CPNE2: variants seen among roughly 807,000 people sequenced by gnomAD.
The protein encoded by CPNE2 is copine 2.
Under a neutral mutation model 69.7 loss-of-function variants are expected in CPNE2, and 42 were observed. The ratio of observed to expected loss-of-function variants is 0.60; its 90% CI spans 0.47 to 0.78. CPNE2 has a LOEUF of 0.78. Ranked by LOEUF, CPNE2 falls within the 30% of genes least tolerant of loss-of-function variation. The pLI, the probability that CPNE2 is intolerant of heterozygous loss-of-function variation, is 0.00. For synonymous variants in CPNE2, 294 were observed against 289.8 expected (o/e 1.01, Z -0.15); for missense variants, 587 against 732.0 (o/e 0.80, Z 2.29).
intron 7 of CPNE2, among the ~76,000 whole-genome samples, chr16:57,120,568 G>A (rs2069754470): frequency 6.6e-6 from 1 of 152,214 alleles, no homozygotes. Context: ...TTCCCAAGTA[G>A]GATACCAGGA....
At chr16:57,141,368 G>A (rs1375289973) in intron 14 of CPNE2, 1 of 152,292 alleles carries the variant, frequency 6.6e-6, no homozygotes, top group Non-Finnish European at 1.5e-5. Context: ...CTGCGACTTG[G>A]TCCTCCCGGC....
At chr16:57,101,394 AC>A (rs1299347257) in intron 1 of CPNE2, among the ~76,000 whole-genome samples, 1 of 151,898 alleles carries the variant, frequency 6.6e-6, no homozygotes, top group Non-Finnish European at 1.5e-5. Flanking sequence ...ATACGTTCCA[AC>A]CCCCCAAAAG....
At position 57,117,506 on chromosome 16, in the gene CPNE2, A is replaced by C. The variant is rs1280377995; in HGVS notation, c.446A>C (p.Gln149Pro). 1 of 1,613,754 alleles carries C rather than the reference A, an allele frequency of 6.2e-7. No individual in the cohort carries two copies. The highest frequency in any genetic ancestry group is 8.5e-7 in the Non-Finnish European group (1 of 1,179,892). ...AGKGLITIAA[Q>P]ELSDNRVITL... ...GTCCCGGCCTTACAGATCGCTGCCC[A>C]GGAGCTGTCCGACAACCGCGTCATC... is the stretch of plus-strand genomic sequence containing the variant. Residue 149 changes from glutamine (Q) to proline (P), a missense_variant, in exon 5 of 16, where the codon CAG (glutamine) becomes CCG (proline). Around this residue, in one of 5 missense-constraint regions of CPNE2, gnomAD observed 269 missense variants for 300.5 expected, o/e 0.90. Coordinates refer to ENST00000290776, the MANE Select transcript of CPNE2 (RefSeq NM_152727.6).
chr16:57,094,143 AG>A (rs1567663148), intron 1 of CPNE2: 5 of 453,376 alleles, frequency 1.1e-5, no homozygotes, highest in South Asian at 4.7e-5. Flanking sequence ...TCACCCAGGC[AG>A]GTTTCTCCAT....
In CPNE2 at chr16:57,110,834, G is replaced by A. The variant is rs1162096129; in HGVS notation, c.92G>A (p.Ser31Asn). 5.6e-6 allele frequency: 9 copies of A among 1,613,898 alleles called. No homozygotes were observed. Among genetic ancestry groups the A allele is most frequent in the Admixed American group, 1.7e-5 (1 of 59,996 alleles). The change falls in exon 2 of 16, where the codon AGT becomes AAT. Residue 31 changes from serine to asparagine, a missense_variant. Physicochemically the swap from Ser to Asn is conservative, Grantham distance 46. This residue lies in a region of CPNE2 where 96 missense variants were observed against 94.9 expected (regional missense o/e 1.01). Transcript: ENST00000290776. ...GTGTGCAAGGTGGAGCTGTCAGTGA[G>A]TGGCCAGAACCTACTGGACCGGGAT... is the stretch of plus-strand genomic sequence containing the variant. ...YCVCKVELSVSGQNLLDRDVT... is the reference protein window; with the variant it reads ...YCVCKVELSVNGQNLLDRDVT...
rs1441793782 is a variant in CPNE2, at chr16:57,146,504, C to T, written c.1539+183C>T. ...TGCCAGGCCTTGCCCCGGTGGTGGC[C>T]ATTGTGATAGTGTGAGCACTTGCTT... On this transcript the variant is annotated intron_variant, in intron 15 of 15. Transcript: ENST00000290776. This position sits in a 1 kb window ranked among gnomAD's most constrained non-coding sequence, Gnocchi z 4.4. 3.3e-6 allele frequency: 2 copies of T among 606,716 alleles called. No homozygotes were observed. Among genetic ancestry groups the T allele is most frequent in the Non-Finnish European group, 5.8e-6 (2 of 344,948 alleles). The allele number at this position is 606,716 out of a possible 1,614,324, so 37.6% of individuals were successfully genotyped here.
chr16:57,146,699 C>G lies in CPNE2; in HGVS notation c.1539+378C>G. On this transcript the variant is annotated intron_variant, in intron 15 of 15. Coordinates refer to ENST00000290776, the MANE Select transcript of CPNE2 (RefSeq NM_152727.6). This position sits in a 1 kb window ranked among gnomAD's most constrained non-coding sequence, Gnocchi z 4.4. ...TCCTGATCATCACGCCCCAGCAAGC[C>G]CCCTCATTTTGTAGACGGAAAACAA... The G allele has an allele frequency of 5.1e-6, 1 of 194,206 alleles. No individual in the cohort carries two copies. Among genetic ancestry groups the G allele is most frequent in the South Asian group, 1.0e-4 (1 of 10,032 alleles). The allele number at this position is 194,206 out of a possible 1,614,324, so 12.0% of individuals were successfully genotyped here.
At chr16:57,105,129 C>T (rs773050000) in intron 1 of CPNE2, among the ~76,000 whole-genome samples, 4 of 152,164 alleles carry the variant, frequency 2.6e-5, no homozygotes, top group Non-Finnish European at 5.9e-5. Context: ...TCAGAGATTC[C>T]TGTTATGGGT....
At chr16:57,098,216 C>A (rs1220136454) in intron 1 of CPNE2, among the ~76,000 whole-genome samples, 1 of 152,236 alleles carries the variant, frequency 6.6e-6, no homozygotes, top group South Asian at 2.1e-4. Flanking sequence ...CCCAGGGGGG[C>A]CTCAGGGCCA....
chr16:57,125,852 C>T lies in CPNE2; in HGVS notation c.928-8C>T. 4.3e-6 allele frequency: 7 copies of T among 1,614,074 alleles called. No individual in the cohort carries two copies. In the South Asian group the frequency reaches 7.7e-5, roughly 18 times the overall value. On this transcript the variant is annotated splice_region_variant and splice_polypyrimidine_tract_variant and intron_variant, in intron 10 of 15. Coordinates refer to ENST00000290776, the MANE Select transcript of CPNE2 (RefSeq NM_152727.6). Reference sequence around the variant, plus strand: ...CCCCACTGGGTGGCCTTTTTCTCCACTCTGCAGGTTGGAATAGACTTTACA... The same window carrying T: ...CCCCACTGGGTGGCCTTTTTCTCCATTCTGCAGGTTGGAATAGACTTTACA...
At chr16:57,104,098 G>A (rs1458586091) in intron 1 of CPNE2, among the ~76,000 whole-genome samples, 9 of 152,090 alleles carry the variant, frequency 5.9e-5, no homozygotes, top group Non-Finnish European at 1.0e-4. Context: ...TGTATTTTTA[G>A]TAGAGATGGG....
chr16:57,112,109 G>T (rs2069685032), intron 2 of CPNE2, among the ~76,000 whole-genome samples: 1 of 152,210 alleles, frequency 6.6e-6, no homozygotes, highest in African/African-American at 2.4e-5. Context: ...ACATACTGTG[G>T]TTTACAAAGA....
At chr16:57,100,202 G>A (rs1325949440) in intron 1 of CPNE2, among the ~76,000 whole-genome samples, 1 of 152,194 alleles carries the variant, frequency 6.6e-6, no homozygotes, top group Non-Finnish European at 1.5e-5. Context: ...ACCATGCCCG[G>A]CTGCATTTGG....
At chr16:57,123,336 A>C in intron 9 of CPNE2, 78 bp from the exon 10 acceptor site, 1 of 1,453,770 alleles carries the variant, frequency 6.9e-7, no homozygotes, top group Non-Finnish European at 9.6e-7. Context: ...CTGAGGTTGC[A>C]GGACATAGAG....
chr16:57,135,404 C>T (rs1407867520), intron 13 of CPNE2, among the ~76,000 whole-genome samples: 1 of 152,328 alleles, frequency 6.6e-6, no homozygotes, highest in East Asian at 1.9e-4. Flanking sequence ...TGCTGTGGCT[C>T]ATGCCTGTAA....
intron 1 of CPNE2, among the ~76,000 whole-genome samples, chr16:57,106,639 G>A (rs2069650482): frequency 6.9e-6 from 1 of 145,854 alleles, no homozygotes; most frequent in African/African-American, 2.4e-5. Context: ...TTGGCAGCAG[G>A]AGATGGTGGC....
chr16:57,110,193 C>T (rs1216258144), intron 1 of CPNE2, among the ~76,000 whole-genome samples: 1 of 151,062 alleles, frequency 6.6e-6, no homozygotes, highest in East Asian at 1.9e-4. Flanking sequence ...ACACAGCTAC[C>T]AGAGACAGAG....
intron 1 of CPNE2, among the ~76,000 whole-genome samples, chr16:57,096,458 A>G (rs2069578501): frequency 6.6e-6 from 1 of 152,300 alleles, no homozygotes; most frequent in Non-Finnish European, 1.5e-5. Context: ...GAGGGAGGCC[A>G]AGATAGTCAG....
In CPNE2 at chr16:57,147,904, T is replaced by C. The variant is rs2069972105; in HGVS notation, c.*246T>C. Reference sequence around the variant, plus strand: ...TCCCCACCTTTGCCATTCTTAAGTATTGAATGTACTTTGTATAATTTTAGT... The same window carrying C: ...TCCCCACCTTTGCCATTCTTAAGTACTGAATGTACTTTGTATAATTTTAGT... On this transcript the variant is annotated 3_prime_UTR_variant, in exon 16 of 16. Transcript: ENST00000290776. 1 of 380,510 alleles carries C rather than the reference T, an allele frequency of 2.6e-6. No homozygotes were observed. Among genetic ancestry groups the C allele is most frequent in the Non-Finnish European group, 4.7e-6 (1 of 214,102 alleles). The allele number at this position is 380,510 out of a possible 1,614,324, so 23.6% of individuals were successfully genotyped here.
Sources: allele counts gnomAD v4.1 joint callset (sites outside exome capture counted in the v4.1 genomes callset), GRCh38; gene constraint gnomAD v4.1.1; regional missense constraint gnomAD v4.1.1; non-coding constraint Gnocchi (gnomAD v3.1); transcripts MANE v1.5; gene names NCBI Gene and HGNC (gene_info 2026-07-23, HGNC 2026-07-21).